The following FANCC variants were observed in gnomAD, a reference collection of about 807,000 sequenced individuals.
The protein encoded by FANCC is FA complementation group C.
A neutral mutation model predicts 71.3 loss-of-function variants in FANCC; 55 were observed. That is an observed-to-expected ratio of 0.77 (90% CI 0.62 to 0.97). FANCC has a LOEUF of 0.97. Ranked by LOEUF, FANCC falls within the 50% of genes least tolerant of loss-of-function variation. FANCC has a pLI of 0.00. For missense variants in FANCC, 678 were observed against 670.9 expected, an observed-to-expected ratio of 1.01 and a Z score of -0.12; for synonymous variants, 275 against 244.9, an observed-to-expected ratio of 1.12 and a Z score of -1.15.
chr9:95,277,632 G>A (rs1236658041), intron 1 of FANCC, among the ~76,000 whole-genome samples: 2 of 152,188 alleles, frequency 1.3e-5, no homozygotes, highest in Non-Finnish European at 2.9e-5. Context: ...TGAAAATGCT[G>A]AAAGTCAAGG....
intron 7 of FANCC, among the ~76,000 whole-genome samples, chr9:95,138,184 C>T (rs1389886117): frequency 6.6e-6 from 1 of 152,250 alleles, no homozygotes; most frequent in African/African-American, 2.4e-5. Flanking sequence ...GACCAGGACT[C>T]GCAGCTGGTA....
intron 4 of FANCC, among the ~76,000 whole-genome samples, chr9:95,240,088 A>C (rs1271918611): frequency 6.6e-6 from 1 of 152,210 alleles, no homozygotes; most frequent in African/African-American, 2.4e-5. Flanking sequence ...AAATCTAGAA[A>C]GCTGTCAGCT....
intron 4 of FANCC, among the ~76,000 whole-genome samples, chr9:95,236,476 C>T (rs1473941944): frequency 6.6e-6 from 1 of 152,202 alleles, no homozygotes; most frequent in Admixed American, 6.5e-5. Flanking sequence ...TGAGGTGGTG[C>T]TCTATGATGG....
At position 95,100,072 on chromosome 9, in the gene FANCC, G is replaced by T. The variant is rs756738484; in HGVS notation, c.*1635C>A. On this transcript the variant is annotated 3_prime_UTR_variant, in exon 15 of 15. Coordinates refer to ENST00000289081, the MANE Select transcript of FANCC (RefSeq NM_000136.3). Reference sequence around the variant, plus strand: ...CACAGCTTCCATGGCCCAGCCACAAGTTCTGGCTTAAAGTCAGAACAGGAG... The same window carrying T: ...CACAGCTTCCATGGCCCAGCCACAATTTCTGGCTTAAAGTCAGAACAGGAG... The T allele has an allele frequency of 8.6e-6, 2 of 232,290 alleles. No homozygotes were observed. Among genetic ancestry groups the T allele is most frequent in the Non-Finnish European group, 8.5e-6 (1 of 117,528 alleles). The allele number at this position is 232,290 out of a possible 1,614,324, so 14.4% of individuals were successfully genotyped here.
chr9:95,104,215 G>C (rs970013370), intron 14 of FANCC, among the ~76,000 whole-genome samples: 1 of 152,216 alleles, frequency 6.6e-6, no homozygotes, highest in Admixed American at 6.5e-5. Flanking sequence ...CGCAGCGAAG[G>C]CTTCTCATTA....
intron 3 of FANCC, among the ~76,000 whole-genome samples, chr9:95,245,287 G>A (rs1372705503): frequency 6.6e-6 from 1 of 151,832 alleles, no homozygotes; most frequent in South Asian, 2.1e-4. Context: ...ATCCAGTCTC[G>A]GGTCATGAAC....
At chr9:95,233,749 A>G (rs948742953) in intron 4 of FANCC, among the ~76,000 whole-genome samples, 6 of 152,260 alleles carry the variant, frequency 3.9e-5, no homozygotes, top group Non-Finnish European at 7.3e-5. Context: ...TACTCCAAGT[A>G]GTGCACAAGA....
chr9:95,208,791 GGATGAAAAATGGTGCA>G (rs1259632458), intron 4 of FANCC, among the ~76,000 whole-genome samples: 1 of 152,122 alleles, frequency 6.6e-6, no homozygotes, highest in Non-Finnish European at 1.5e-5. Context: ...CTGCTGATGG[GGATGAAAAATGGTGCA>G]GCCACTTTGG....
intron 1 of FANCC, among the ~76,000 whole-genome samples, chr9:95,255,843 C>A (rs899777568): frequency 6.6e-6 from 1 of 151,304 alleles, no homozygotes; most frequent in South Asian, 2.1e-4. Context: ...ATATAAATGA[C>A]CTGATTGAGC....
intron 4 of FANCC, among the ~76,000 whole-genome samples, chr9:95,176,314 C>T (rs1201140801): frequency 6.6e-6 from 1 of 152,198 alleles, no homozygotes; most frequent in African/African-American, 2.4e-5. Flanking sequence ...ACCCTTACAG[C>T]TTCCAGTTAC....
chr9:95,195,456 T>A (rs1266139994), intron 4 of FANCC, among the ~76,000 whole-genome samples: 1 of 152,164 alleles, frequency 6.6e-6, no homozygotes, highest in Non-Finnish European at 1.5e-5. Context: ...AGGTTCTCTG[T>A]TCTGTTCCAT....
intron 4 of FANCC, among the ~76,000 whole-genome samples, chr9:95,218,031 C>T (rs971178276): frequency 8.6e-5 from 13 of 151,942 alleles, no homozygotes; most frequent in East Asian, 3.8e-4. Flanking sequence ...TTATTAAAAC[C>T]GACTCAAGAA....
chr9:95,256,033 T>C (rs1178262485), intron 1 of FANCC, among the ~76,000 whole-genome samples: 3 of 151,944 alleles, frequency 2.0e-5, no homozygotes, highest in Non-Finnish European at 4.4e-5. Flanking sequence ...TTCGGGACTA[T>C]GTGAAAAGAC....
intron 4 of FANCC, among the ~76,000 whole-genome samples, chr9:95,203,817 T>C (rs1324682861): frequency 6.6e-6 from 1 of 152,218 alleles, no homozygotes; most frequent in Non-Finnish European, 1.5e-5. Flanking sequence ...AAGACAGCTG[T>C]GTTCTCCTAT....
chr9:95,111,113 A>G, intron 13 of FANCC: 1 of 1,524,714 alleles, frequency 6.6e-7, no homozygotes, highest in Non-Finnish European at 8.8e-7. Flanking sequence ...CTGCCGGCAC[A>G]CCCCTCAGAA....
intron 7 of FANCC, among the ~76,000 whole-genome samples, chr9:95,146,806 G>T (rs933763395): frequency 6.6e-5 from 10 of 151,982 alleles, no homozygotes; most frequent in Non-Finnish European, 1.2e-4. Context: ...GGGGTTCAAA[G>T]AACTGTTTCC....
chr9:95,111,537 G>C lies in FANCC; in HGVS notation c.1255C>G (p.Pro419Ala). The C allele has an allele frequency of 1.9e-6, 3 of 1,614,148 alleles. No individual in the cohort carries two copies. The highest frequency in any genetic ancestry group is 2.5e-6 in the Non-Finnish European group (3 of 1,180,040). ...GCCAAGAGCCACAGCAGGGCCGTGG[G>C]GGGTTCGGCTGCCGACATCAGTAAT... is the stretch of plus-strand genomic sequence containing the variant. The part of the protein sequence containing the change: ...EQLLMSAAEP[P>A]TALLWLLAFY... The change falls in exon 13 of 15, where the codon CCC becomes GCC. Residue 419 changes from proline (P) to alanine (A), a missense_variant. Transcript: ENST00000289081.
intron 10 of FANCC, chr9:95,123,709 G>A: frequency 1.5e-6 from 1 of 686,876 alleles, no homozygotes; most frequent in Non-Finnish European, 2.7e-6. Flanking sequence ...ATGCCTATGT[G>A]CTTCCCAAGC....
At chr9:95,205,279 G>T (rs60228132) in intron 4 of FANCC, among the ~76,000 whole-genome samples, 6 of 152,020 alleles carry the variant, frequency 3.9e-5, no homozygotes, top group Admixed American at 3.9e-4. Context: ...AGTAAGGACT[G>T]TATCTTATGA....
Sources: gnomAD v4.1 joint callset for allele counts (sites outside exome capture counted in the v4.1 genomes callset) on GRCh38, gnomAD v4.1.1 for gene constraint, MANE v1.5 for transcripts, NCBI Gene and HGNC (gene_info 2026-07-23, HGNC 2026-07-21) for gene names.